The following SNX18 variants were observed in gnomAD, a reference collection of about 807,000 sequenced individuals.
SNX18 encodes sorting nexin-18.
Under a neutral mutation model 48.7 loss-of-function variants are expected in SNX18, and 35 were observed. The ratio of observed to expected loss-of-function variants is 0.72; its 90% CI spans 0.55 to 0.95. SNX18 has a LOEUF of 0.95. Ranked by LOEUF, SNX18 falls within the 40% of genes least tolerant of loss-of-function variation. SNX18 has a pLI of 0.00. For missense variants in SNX18, 824 were observed against 871.0 expected (o/e 0.95, Z 0.68); for synonymous variants, 492 against 384.7 (o/e 1.28, Z -3.26).
chr5:54,609,312 G>C, the SNX18 span, among the ~76,000 whole-genome samples: 2 of 151,972 alleles, frequency 1.3e-5, no homozygotes, highest in Admixed American at 6.6e-5. Context: ...TACAGCCTAG[G>C]GGGTACTGCC....
At chr5:54,530,191 TAG>T (rs918800835) in intron 1 of SNX18, among the ~76,000 whole-genome samples, 23 of 152,342 alleles carry the variant, frequency 1.5e-4, no homozygotes, top group African/African-American at 5.5e-4. Context: ...GTCCTAGATT[TAG>T]GGCACACCCT....
chr5:54,549,121 A>G (rs945525848), downstream of SNX18, among the ~76,000 whole-genome samples: 1 of 152,224 alleles, frequency 6.6e-6, no homozygotes, highest in Non-Finnish European at 1.5e-5. Context: ...GAACCCACAG[A>G]TACTGAGGGC....
chr5:54,539,664 C>G (rs1004923045), intron 1 of SNX18, among the ~76,000 whole-genome samples: 1 of 152,118 alleles, frequency 6.6e-6, no homozygotes, highest in Non-Finnish European at 1.5e-5. Context: ...TTGAATCTCC[C>G]TGTTCTATCA....
intron 1 of SNX18, among the ~76,000 whole-genome samples, chr5:54,526,122 A>G (rs905908409): frequency 6.6e-6 from 1 of 152,140 alleles, no homozygotes; most frequent in African/African-American, 2.4e-5. Flanking sequence ...ACAGTTTTTT[A>G]AAGATGGAGT....
chr5:54,527,713 T>C (rs969517188), intron 1 of SNX18, among the ~76,000 whole-genome samples: 5 of 152,192 alleles, frequency 3.3e-5, no homozygotes, highest in Non-Finnish European at 5.9e-5. Flanking sequence ...CAGTTATTAG[T>C]GTGTGGGTTA....
the SNX18 span, among the ~76,000 whole-genome samples, chr5:54,593,302 A>G: frequency 6.6e-6 from 1 of 152,144 alleles, no homozygotes; most frequent in African/African-American, 2.4e-5. Context: ...AATGGGGCTC[A>G]AAAGTAAAAA....
At chr5:54,599,134 G>C in the SNX18 span, among the ~76,000 whole-genome samples, 14,306 of 152,164 alleles carry the variant, frequency 0.094, 775 homozygotes, top group Middle Eastern at 0.16. Flanking sequence ...ATTCACAGTT[G>C]CTACAAAGAG....
At chr5:54,595,917 G>T in the SNX18 span, among the ~76,000 whole-genome samples, 1 of 152,082 alleles carries the variant, frequency 6.6e-6, no homozygotes, top group African/African-American at 2.4e-5. Flanking sequence ...TGTCTCCATA[G>T]TCACATTTCC....
chr5:54,557,858 T>G, the SNX18 span, among the ~76,000 whole-genome samples: 2 of 152,230 alleles, frequency 1.3e-5, no homozygotes, highest in Non-Finnish European at 2.9e-5. Context: ...GCCAACTGTG[T>G]TGGACGCTCC....
At chr5:54,602,822 A>G in the SNX18 span, among the ~76,000 whole-genome samples, 2 of 152,072 alleles carry the variant, frequency 1.3e-5, no homozygotes, top group African/African-American at 4.8e-5. Context: ...GAAGCTGCTG[A>G]TCAGTTTCAG....
the SNX18 span, among the ~76,000 whole-genome samples, chr5:54,637,835 T>C: frequency 6.6e-6 from 1 of 152,208 alleles, no homozygotes; most frequent in Non-Finnish European, 1.5e-5. Context: ...CGGCTTCTCT[T>C]TCACAGCTTT....
At chr5:54,521,371 T>G (rs939244587) in intron 1 of SNX18, among the ~76,000 whole-genome samples, 2 of 152,210 alleles carry the variant, frequency 1.3e-5, no homozygotes, top group Non-Finnish European at 2.9e-5. Flanking sequence ...TGTTCTAATA[T>G]CTATTTTGAG....
the SNX18 span, among the ~76,000 whole-genome samples, chr5:54,583,526 G>A: frequency 6.6e-6 from 1 of 152,186 alleles, no homozygotes; most frequent in Non-Finnish European, 1.5e-5. Flanking sequence ...TTCTGGTTAA[G>A]AACAAAGGCC....
At chr5:54,579,716 G>T in the SNX18 span, among the ~76,000 whole-genome samples, 1 of 152,174 alleles carries the variant, frequency 6.6e-6, no homozygotes, top group Non-Finnish European at 1.5e-5. Flanking sequence ...AATTATCATA[G>T]ATTGGAAAGA....
the SNX18 span, among the ~76,000 whole-genome samples, chr5:54,634,157 C>G: frequency 3.3e-5 from 5 of 152,186 alleles, no homozygotes; most frequent in Admixed American, 2.6e-4. Flanking sequence ...TCTCCCTCCT[C>G]CCCCATATAC....
the SNX18 span, among the ~76,000 whole-genome samples, chr5:54,640,863 C>T: frequency 5.3e-5 from 8 of 152,092 alleles, no homozygotes; most frequent in African/African-American, 1.9e-4. Flanking sequence ...AGCTCAAGAC[C>T]GGCCTGGTCA....
At chr5:54,601,722 T>A in the SNX18 span, among the ~76,000 whole-genome samples, 31 of 152,270 alleles carry the variant, frequency 2.0e-4, no homozygotes, top group Non-Finnish European at 1.5e-5. Flanking sequence ...CAGTTCTGCC[T>A]TCTGCTCCTC....
At chr5:54,636,813 C>T in the SNX18 span, among the ~76,000 whole-genome samples, 1 of 152,168 alleles carries the variant, frequency 6.6e-6, no homozygotes, top group African/African-American at 2.4e-5. Flanking sequence ...TCACTTACTC[C>T]TCACAGTGTG....
At chr5:54,623,371 C>A in the SNX18 span, among the ~76,000 whole-genome samples, 1 of 152,054 alleles carries the variant, frequency 6.6e-6, no homozygotes, top group African/African-American at 2.4e-5. Context: ...AGCCTTTTCA[C>A]GAGTGTCTTC....
Sources: gnomAD v4.1 joint callset for allele counts (sites outside exome capture counted in the v4.1 genomes callset) on GRCh38, gnomAD v4.1.1 for gene constraint, MANE v1.5 for transcripts, NCBI Gene and HGNC (gene_info 2026-07-23, HGNC 2026-07-21) for gene names.